LRFN5: variants seen among roughly 807,000 people sequenced by gnomAD.
The protein encoded by LRFN5 is leucine-rich repeat and fibronectin type-III domain-containing protein 5.
LRFN5 carries 24 observed loss-of-function variants against 45.6 expected under a neutral mutation model. The ratio of observed to expected loss-of-function variants is 0.53; its 90% CI spans 0.38 to 0.74. The LOEUF is 0.74. Among genes scored for constraint, LRFN5 ranks in the 30% least tolerant of loss-of-function variants. LRFN5 has a pLI of 0.00. For missense variants in LRFN5, 776 were observed against 861.5 expected, an observed-to-expected ratio of 0.90 and a Z score of 1.24; for synonymous variants, 340 against 313.8, an observed-to-expected ratio of 1.08 and a Z score of -0.88.
chr14:41,820,898 G>A (rs1177517533), intron 2 of LRFN5, among the ~76,000 whole-genome samples: 1 of 151,978 alleles, frequency 6.6e-6, no homozygotes. Context: ...CAGAGTTATT[G>A]ATTTAGTTCT....
intron 1 of LRFN5, among the ~76,000 whole-genome samples, chr14:41,761,926 A>C (rs1189637315): frequency 6.6e-6 from 1 of 152,042 alleles, no homozygotes; most frequent in African/African-American, 2.4e-5. Flanking sequence ...TACAACCACT[A>C]TCTACTAATC....
intron 2 of LRFN5, among the ~76,000 whole-genome samples, chr14:41,808,562 G>A (rs1166398797): frequency 1.7e-5 from 1 of 57,414 alleles, no homozygotes; most frequent in African/African-American, 6.6e-5. Context: ...AGGAAGGAAG[G>A]AAGGAAGGAA....
At chr14:41,658,413 A>G (rs1164472964) in intron 1 of LRFN5, among the ~76,000 whole-genome samples, 1 of 152,022 alleles carries the variant, frequency 6.6e-6, no homozygotes, top group Non-Finnish European at 1.5e-5. Flanking sequence ...TTGTCCAGGG[A>G]AAGAGGTGAA....
intron 1 of LRFN5, among the ~76,000 whole-genome samples, chr14:41,755,929 C>T (rs748566491): frequency 5.3e-5 from 8 of 152,152 alleles, no homozygotes; most frequent in Non-Finnish European, 1.2e-4. Flanking sequence ...ACGTCTAGTG[C>T]TTTCTTCAGG....
chr14:41,613,995 T>C (rs1887847668), intron 1 of LRFN5, among the ~76,000 whole-genome samples: 1 of 152,104 alleles, frequency 6.6e-6, no homozygotes, highest in Non-Finnish European at 1.5e-5. Context: ...ATAGAATATT[T>C]GTATTAATGT....
At chr14:41,879,585 GAT>G (rs1253445068) in intron 2 of LRFN5, among the ~76,000 whole-genome samples, 1 of 150,854 alleles carries the variant, frequency 6.6e-6, no homozygotes. Context: ...ATACATAACT[GAT>G]ATGCTATATA....
intron 2 of LRFN5, among the ~76,000 whole-genome samples, chr14:41,883,654 G>A (rs756386877): frequency 1.3e-5 from 2 of 152,206 alleles, no homozygotes; most frequent in Non-Finnish European, 1.5e-5. Flanking sequence ...TTTACGATGA[G>A]AAGTCAGTGA....
At chr14:41,708,795 A>C (rs1883170055) in intron 1 of LRFN5, among the ~76,000 whole-genome samples, 1 of 152,014 alleles carries the variant, frequency 6.6e-6, no homozygotes, top group South Asian at 2.1e-4. Context: ...AGGCTTGATA[A>C]GATTTAGATT....
intron 1 of LRFN5, chr14:41,699,798 T>G (rs1882763395): frequency 6.6e-6 from 1 of 152,008 alleles, no homozygotes; most frequent in Non-Finnish European, 1.5e-5. Context: ...TTTGAAAGTG[T>G]AGGTATTCAG....
intron 1 of LRFN5, among the ~76,000 whole-genome samples, chr14:41,726,197 A>G (rs1883925354): frequency 1.3e-5 from 2 of 152,054 alleles, no homozygotes; most frequent in Middle Eastern, 3.2e-3. Context: ...TGTTCCTTCA[A>G]TTATTATTTT....
At chr14:41,675,566 T>TCGGTTTGGCATCAGAGGGAGAC (rs1309161692) in intron 1 of LRFN5, among the ~76,000 whole-genome samples, 1 of 151,996 alleles carries the variant, frequency 6.6e-6, no homozygotes, top group East Asian at 1.9e-4. Context: ...CAGTCCAGCT[T>TCGGTTTGGCATCAGAGGGAGAC]CGGTTTGGCA....
At chr14:41,897,880 C>G (rs999014426) in intron 4 of LRFN5, among the ~76,000 whole-genome samples, 1 of 152,036 alleles carries the variant, frequency 6.6e-6, no homozygotes, top group South Asian at 2.1e-4. Flanking sequence ...GAACATATAA[C>G]CTTACCTGAC....
chr14:41,798,126 A>G (rs1887199595), intron 2 of LRFN5, among the ~76,000 whole-genome samples: 1 of 151,564 alleles, frequency 6.6e-6, no homozygotes, highest in South Asian at 2.1e-4. Flanking sequence ...TTCATTACTC[A>G]CCTTGTTAGA....
intron 2 of LRFN5, among the ~76,000 whole-genome samples, chr14:41,869,276 A>G (rs1343559176): frequency 6.6e-6 from 1 of 152,120 alleles, no homozygotes; most frequent in Non-Finnish European, 1.5e-5. Context: ...GAGCACCTGT[A>G]CAACACCACA....
intron 2 of LRFN5, among the ~76,000 whole-genome samples, chr14:41,836,143 T>G (rs570050189): frequency 3.4e-4 from 51 of 152,116 alleles, no homozygotes; most frequent in Non-Finnish European, 4.1e-4. Flanking sequence ...AGAGGAATAG[T>G]GTATGTTTCT....
At chr14:41,693,957 G>A (rs1026346576) in intron 1 of LRFN5, among the ~76,000 whole-genome samples, 10 of 151,844 alleles carry the variant, frequency 6.6e-5, no homozygotes, top group African/African-American at 2.4e-4. Flanking sequence ...AATAGTAGTT[G>A]CTGAGAGATT....
chr14:41,826,820 T>C (rs1888311332), intron 2 of LRFN5, among the ~76,000 whole-genome samples: 1 of 151,376 alleles, frequency 6.6e-6, no homozygotes, highest in African/African-American at 2.4e-5. Context: ...ATATATGATA[T>C]GTTGTAAGAA....
chr14:41,735,522 T>A (rs1884388829), intron 1 of LRFN5, among the ~76,000 whole-genome samples: 3 of 152,184 alleles, frequency 2.0e-5, no homozygotes, highest in African/African-American at 7.2e-5. Flanking sequence ...TCCTTCTGCG[T>A]CAGCCCCCCC....
rs1486802416 is a variant in LRFN5 at position 41,852,224 on chromosome 14, A to C, written c.-20-34382A>C. ...TCTATGAACAAGATCAAATTATGTT[A>C]ATTCACTCTCAGAAGTTGGCAAATA... On this transcript the variant is annotated intron_variant, in intron 2 of 5. Transcript: ENST00000298119. Among the ~76,000 whole-genome samples, 9 of 152,060 alleles carry C rather than the reference A, an allele frequency of 5.9e-5. No individual in the cohort carries two copies. The East Asian group carries it at 1.7e-3, about 29-fold the overall frequency.
Sources: gnomAD v4.1 joint callset for allele counts (sites outside exome capture counted in the v4.1 genomes callset) on GRCh38, gnomAD v4.1.1 for gene constraint, MANE v1.5 for transcripts, NCBI Gene and HGNC (gene_info 2026-07-23, HGNC 2026-07-21) for gene names.